Variants in SLC16A7 observed in about 807,000 individuals in gnomAD.
The protein encoded by SLC16A7 is monocarboxylate transporter 2.
In SLC16A7, 33 loss-of-function variants were observed where a neutral mutation model predicts 34.9. The observed-to-expected ratio is 0.94, with a 90% CI of 0.72 to 1.26. The LOEUF is 1.26. Among genes scored for constraint, SLC16A7 ranks in the 50% most tolerant of loss-of-function variants. The pLI is 0.00. For missense variants in SLC16A7, 573 were observed against 578.1 expected, an observed-to-expected ratio of 0.99 and a Z score of 0.09; for synonymous variants, 201 against 206.6, an observed-to-expected ratio of 0.97 and a Z score of 0.23.
At position 59,695,260 on chromosome 12, in the gene SLC16A7, T is replaced by C. The variant is rs1043626157; in HGVS notation, c.-30-9512T>C. On this transcript the variant is annotated intron_variant, in intron 2 of 5. Transcript: ENST00000547379. ...AGTTCTCCCTGCCAGAGGAAATAGA[T>C]AGAAAATACATTTCCTCAAAATATA... Among the ~76,000 whole-genome samples the C allele has an allele frequency of 3.9e-5, 6 of 151,976 alleles. No individual in the cohort carries two copies. The East Asian group carries it at 7.7e-4, about 20-fold the overall frequency.
intron 3 of SLC16A7, among the ~76,000 whole-genome samples, chr12:59,718,640 C>T (rs1341996486): frequency 6.6e-6 from 1 of 152,044 alleles, no homozygotes; most frequent in African/African-American, 2.4e-5. Context: ...GATGTCTTAC[C>T]TTCTCAACAT....
rs141064577 is a variant in SLC16A7 at position 59,641,661 on chromosome 12, A to G, written c.-129-13491A>G. Among the ~76,000 whole-genome samples the G allele has an allele frequency of 4.7e-3, 721 of 152,100 alleles. 2 individuals are homozygous for G. The highest frequency in any genetic ancestry group is 8.3e-3 in the Admixed American group (127 of 15,280). On this transcript the variant is annotated intron_variant, in intron 1 of 5. Coordinates refer to ENST00000547379, the MANE Select transcript of SLC16A7 (RefSeq NM_001270623.2). ...TTTACATTGAAGGGAGCCATTTTAC[A>G]TGGATATTTCTAATTTGAGGAGAGT...
chr12:59,637,774 C>T (rs1247008672), intron 1 of SLC16A7, among the ~76,000 whole-genome samples: 1 of 152,082 alleles, frequency 6.6e-6, no homozygotes, highest in African/African-American at 2.4e-5. Flanking sequence ...GAGGTGGGGC[C>T]TAATGAGGTG....
At chr12:59,680,469 G>A (rs1308843180) in intron 2 of SLC16A7, among the ~76,000 whole-genome samples, 1 of 152,074 alleles carries the variant, frequency 6.6e-6, no homozygotes, top group Non-Finnish European at 1.5e-5. Context: ...GAGAGAAGGA[G>A]GTTCTTTAGC....
intron 2 of SLC16A7, among the ~76,000 whole-genome samples, chr12:59,670,868 C>G (rs966001608): frequency 6.6e-6 from 1 of 152,186 alleles, no homozygotes; most frequent in African/African-American, 2.4e-5. Flanking sequence ...TGGTTGGTAG[C>G]CCTGACTGCT....
chr12:59,748,711 C>G (rs776996026), intron 3 of SLC16A7, among the ~76,000 whole-genome samples: 3 of 152,174 alleles, frequency 2.0e-5, no homozygotes, highest in Non-Finnish European at 4.4e-5. Context: ...TTGTTGCAGA[C>G]TCTGCCAACA....
At chr12:59,778,689 C>CAG (rs1882991448) in intron 5 of SLC16A7, among the ~76,000 whole-genome samples, 2 of 142,024 alleles carry the variant, frequency 1.4e-5, no homozygotes, top group Non-Finnish European at 3.1e-5. Flanking sequence ...TGATTAGTTT[C>CAG]ACCTTAATAA....
intron 2 of SLC16A7, among the ~76,000 whole-genome samples, chr12:59,657,592 T>C (rs1193924232): frequency 6.6e-6 from 1 of 152,034 alleles, no homozygotes; most frequent in East Asian, 1.9e-4. Context: ...ATGACTACTT[T>C]GGTCAGTGCC....
At position 59,647,123 on chromosome 12, in the gene SLC16A7, G is replaced by A. The variant is rs114041780; in HGVS notation, c.-129-8029G>A. ...AAATGAGTTAAGACTTTGGAGAATC[G>A]TTGGGAAGGGCATGATTGTATTTTG... On this transcript the variant is annotated intron_variant, in intron 1 of 5. Transcript: ENST00000547379. Among the ~76,000 whole-genome samples, 198 of 152,232 alleles carry A rather than the reference G, an allele frequency of 1.3e-3. 1 individual carries two copies. The highest frequency in any genetic ancestry group is 4.1e-3 in the African/African-American group (171 of 41,548).
chr12:59,622,969 G>A (rs985666117), intron 1 of SLC16A7, among the ~76,000 whole-genome samples: 14 of 151,332 alleles, frequency 9.3e-5, no homozygotes, highest in Non-Finnish European at 1.8e-4. Flanking sequence ...TGGTGGGAGG[G>A]GAAAAGGTAG....
chr12:59,704,219 G>GA (rs1565659929), intron 2 of SLC16A7, among the ~76,000 whole-genome samples: 1 of 114,472 alleles, frequency 8.7e-6, no homozygotes. Flanking sequence ...AAAAAAAAAA[G>GA]AAAAAGAAAA....
intron 1 of SLC16A7, among the ~76,000 whole-genome samples, chr12:59,600,599 A>G (rs1878636800): frequency 6.6e-6 from 1 of 152,150 alleles, no homozygotes; most frequent in African/African-American, 2.4e-5. Flanking sequence ...CCTAAAATGG[A>G]CCATTGTCGA....
Position 59,789,332 on chromosome 12 carries a change from C to A in SLC16A7, c.*9653C>A, listed in dbSNP as rs963341913. 1.3e-5 allele frequency: 2 copies of A among 152,054 alleles called. No individual in the cohort carries two copies. The highest frequency in any genetic ancestry group is 2.4e-5 in the African/African-American group (1 of 41,446). 9.4% of individuals were successfully genotyped at this position (152,054 alleles called of 1,614,324 possible). On this transcript the variant is annotated 3_prime_UTR_variant, in exon 6 of 6. Coordinates refer to ENST00000547379, the MANE Select transcript of SLC16A7 (RefSeq NM_001270623.2). ...GAAAACAAAACACCTGTAGCATTTT[C>A]TTTATTTAAAATTGAAACTCTGTTT...
rs1367935720 is a variant in SLC16A7 at position 59,775,361 on chromosome 12, A to G, written c.1066A>G (p.Ser356Gly). Residue 356 changes from serine (S) to glycine (G), a missense_variant, in exon 5 of 6, where the codon AGT (serine) becomes GGT (glycine). By Grantham distance (56) the Ser-to-Gly change is moderately conservative. Coordinates refer to ENST00000547379, the MANE Select transcript of SLC16A7 (RefSeq NM_001270623.2). ...TGGCCTTGGATTTGGGAGTGTTAGC[A>G]GTGTTCTCTTTGAAACTCTCATGGA... ...FFGLGFGSVS[S>G]VLFETLMDLV... 1.2e-5 allele frequency: 19 copies of G among 1,614,114 alleles called. No homozygotes were observed. Among genetic ancestry groups the G allele is most frequent in the Non-Finnish European group, 1.4e-5 (16 of 1,179,978 alleles).
chr12:59,694,200 T>TTATGCC (rs1872004813), intron 2 of SLC16A7, among the ~76,000 whole-genome samples: 1 of 151,870 alleles, frequency 6.6e-6, no homozygotes, highest in African/African-American at 2.4e-5. Context: ...GGAATAAGCT[T>TTATGCC]TATGCCTACT....
intron 3 of SLC16A7, among the ~76,000 whole-genome samples, chr12:59,743,746 T>C (rs1212858436): frequency 1.3e-5 from 2 of 152,214 alleles, no homozygotes; most frequent in African/African-American, 4.8e-5. Flanking sequence ...TATCAATTTC[T>C]AATTTTGAAA....
At chr12:59,773,914 G>A (rs1415853989) in intron 4 of SLC16A7, among the ~76,000 whole-genome samples, 1 of 152,152 alleles carries the variant, frequency 6.6e-6, no homozygotes, top group East Asian at 1.9e-4. Context: ...GCTCAGTAGT[G>A]CCTTAGTGAG....
At chr12:59,655,344 G>C (rs927307325) in intron 2 of SLC16A7, 94 bp downstream of exon 2, 2 of 151,854 alleles carry the variant, frequency 1.3e-5, no homozygotes, top group African/African-American at 2.4e-5. Flanking sequence ...GTGAATGGTA[G>C]TATTGGCATG....
chr12:59,623,487 T>C (rs1879790422), intron 1 of SLC16A7, among the ~76,000 whole-genome samples: 1 of 151,746 alleles, frequency 6.6e-6, no homozygotes, highest in Non-Finnish European at 1.5e-5. Context: ...ATTTTATCTA[T>C]ATAAATTTGA....
Sources: allele counts gnomAD v4.1 joint callset (sites outside exome capture counted in the v4.1 genomes callset), GRCh38; gene constraint gnomAD v4.1.1; transcripts MANE v1.5; gene names NCBI Gene and HGNC (gene_info 2026-07-23, HGNC 2026-07-21).